LYAR: variants seen among roughly 807,000 people sequenced by gnomAD.
LYAR encodes cell growth-regulating nucleolar protein.
A neutral mutation model predicts 45.2 loss-of-function variants in LYAR; 37 were observed. The ratio of observed to expected loss-of-function variants is 0.82; its 90% CI spans 0.63 to 1.08. The LOEUF (loss-of-function observed/expected upper bound fraction) is 1.08. Among genes scored for constraint, LYAR ranks in the 50% least tolerant of loss-of-function variants. LYAR has a pLI of 0.00. For missense variants in LYAR, 493 were observed against 451.0 expected, an observed-to-expected ratio of 1.09 and a Z score of -0.84; for synonymous variants, 176 against 155.1, an observed-to-expected ratio of 1.14 and a Z score of -1.00.
chr4:4,274,877 G>T, intron 6 of LYAR, 108 bp from the exon 7 acceptor site: 2 of 1,096,606 alleles, frequency 1.8e-6, no homozygotes, highest in Non-Finnish European at 2.6e-6. Context: ...AAAAACGGTT[G>T]GTTTAATCCC....
At chr4:4,279,605 C>CGTGTGGCCCATCAGTG in intron 5 of LYAR, 37 bp downstream of exon 5, 1 of 1,578,838 alleles carries the variant, frequency 6.3e-7, no homozygotes, top group Non-Finnish European at 8.7e-7. Flanking sequence ...ACTGATGGGC[C>CGTGTGGCCCATCAGTG]ACACGGCCCC....
chr4:4,275,490 G>A (rs1247962630), intron 6 of LYAR, among the ~76,000 whole-genome samples: 1 of 151,058 alleles, frequency 6.6e-6, no homozygotes, highest in Non-Finnish European at 1.5e-5. Context: ...TGTTGCACAG[G>A]CTGAAATGTA....
chr4:4,285,322 C>T (rs1719561822), intron 2 of LYAR, among the ~76,000 whole-genome samples: 1 of 152,330 alleles, frequency 6.6e-6, no homozygotes, highest in East Asian at 1.9e-4. Context: ...CTGTCATCTT[C>T]TCATCTGCTT....
intron 8 of LYAR, chr4:4,268,831 T>G (rs575152858): frequency 2.2e-6 from 1 of 453,856 alleles, no homozygotes; most frequent in Non-Finnish European, 3.9e-6. Context: ...CAGGTGCCCA[T>G]GTGCTATTGG....
At chr4:4,268,044 A>G (rs1448573693) in intron 9 of LYAR, 21 bp from the exon 10 acceptor site, 2 of 1,555,376 alleles carry the variant, frequency 1.3e-6, no homozygotes, top group Non-Finnish European at 8.7e-7. Context: ...AAAAACATCA[A>G]ATGAGTGTAT....
chr4:4,269,603 G>A (rs1450107426), intron 8 of LYAR, among the ~76,000 whole-genome samples: 1 of 152,152 alleles, frequency 6.6e-6, no homozygotes, highest in Non-Finnish European at 1.5e-5. Flanking sequence ...GATGGAGGCT[G>A]AGTAGAGAGC....
chr4:4,272,506 ATAAC>A (rs1224537466), intron 8 of LYAR, among the ~76,000 whole-genome samples: 4 of 152,196 alleles, frequency 2.6e-5, no homozygotes, highest in African/African-American at 4.8e-5. Flanking sequence ...AAGATTATCA[ATAAC>A]TAATAATAAA....
chr4:4,280,092 T>C (rs1264926073), intron 4 of LYAR, among the ~76,000 whole-genome samples: 1 of 152,198 alleles, frequency 6.6e-6, no homozygotes, highest in Non-Finnish European at 1.5e-5. Flanking sequence ...AGTTGCAGGA[T>C]ACAAAATCCA....
At chr4:4,286,935 G>C (rs1322163361) in intron 1 of LYAR, among the ~76,000 whole-genome samples, 2 of 152,170 alleles carry the variant, frequency 1.3e-5, no homozygotes, top group Non-Finnish European at 2.9e-5. Context: ...ACAGGCGTGA[G>C]CCACCGCGCC....
chr4:4,281,828 T>G lies in LYAR; in HGVS notation c.192A>C (p.Glu64Asp), dbSNP rs1202253382. 1 of 1,614,214 alleles carries G rather than the reference T, an allele frequency of 6.2e-7. No individual in the cohort carries two copies. Among genetic ancestry groups the G allele is most frequent in the African/African-American group, 1.3e-5 (1 of 75,060 alleles). ...EDQKYGGKGY[E>D]GKTHKGDIKQ... ...TGATGTCGCCTTTGTGGGTTTTACCTTCATAGCCTTTGCCACCATACTTCT... is the reference window on the plus strand; with the variant it reads ...TGATGTCGCCTTTGTGGGTTTTACCGTCATAGCCTTTGCCACCATACTTCT... Residue 64 changes from glutamate (E) to aspartate (D), a missense_variant, in exon 4 of 10, where the codon GAA becomes GAC. By Grantham distance (45) the Glu-to-Asp change is conservative. Coordinates refer to ENST00000343470, the MANE Select transcript of LYAR (RefSeq NM_017816.3).
chr4:4,274,563 C>T lies in LYAR; in HGVS notation c.636G>A (p.Gln212=), dbSNP rs1190160709. The T allele has an allele frequency of 9.9e-6, 16 of 1,613,658 alleles. No homozygotes were observed. The highest frequency in any genetic ancestry group is 3.3e-5 in the South Asian group (3 of 90,988). ...TAGGCTTCTGATTCCTTGAGTTTTCCTGGTGGTTTTCTAACTTTAGTTCTT... is the reference window on the plus strand; with the variant it reads ...TAGGCTTCTGATTCCTTGAGTTTTCTTGGTGGTTTTCTAACTTTAGTTCTT... ...EKKELKLENH[Q]ENSRNQKPKK... is the part of the protein sequence containing the mutation. Residue 212 remains glutamine (Q), a synonymous_variant, in exon 7 of 10, where the codon CAG becomes CAA. Transcript: ENST00000343470.
chr4:4,279,095 C>G (rs1367139001), intron 6 of LYAR, among the ~76,000 whole-genome samples: 2 of 151,966 alleles, frequency 1.3e-5, no homozygotes. Flanking sequence ...GAGGCCAACG[C>G]AGGCAGGTCA....
chr4:4,281,773 G>C lies in LYAR; in HGVS notation c.237+10C>G, dbSNP rs201896972. On this transcript the variant is annotated intron_variant, in intron 4 of 9. Transcript: ENST00000343470. ...AGAGGAAGCTACTCAATGAGTTAGA[G>C]AGACGTTACCTGAATCCACGCCTGC... The C allele has an allele frequency of 2.5e-6, 4 of 1,603,458 alleles. No homozygotes were observed. Among genetic ancestry groups the C allele is most frequent in the Non-Finnish European group, 3.4e-6 (4 of 1,170,208 alleles).
At position 4,279,710 on chromosome 4, in the gene LYAR, T is replaced by C. The variant is rs369633251; in HGVS notation, c.277A>G (p.Lys93Glu). 1.2e-6 allele frequency: 2 copies of C among 1,613,728 alleles called. No homozygotes were observed. Among genetic ancestry groups the C allele is most frequent in the African/African-American group, 1.3e-5 (1 of 74,940 alleles). Reference sequence around the variant, plus strand: ...ATTTGCTCTAAAAGTTCTCTCACTTTGGGGCTGACATTGGGTCTCTTTATT... The same window carrying C: ...ATTTGCTCTAAAAGTTCTCTCACTTCGGGGCTGACATTGGGTCTCTTTATT... The part of the protein sequence containing the change: ...ELIKRPNVSP[K>E]VRELLEQISA... The change falls in exon 5 of 10, where the codon AAA (lysine) becomes GAA (glutamate). Residue 93 changes from lysine to glutamate, a missense_variant. By Grantham distance (56) the Lys-to-Glu change is moderately conservative. Coordinates refer to ENST00000343470, the MANE Select transcript of LYAR (RefSeq NM_017816.3).
chr4:4,279,308 G>A (rs1288007869), intron 6 of LYAR, 139 bp downstream of exon 6: 12 of 622,360 alleles, frequency 1.9e-5, no homozygotes, highest in Non-Finnish European at 3.1e-5. Flanking sequence ...CTGCAGCCTG[G>A]GCAACAGAGT....
rs551102684 is a variant in LYAR, at chr4:4,272,553, G to T, written c.919+1030C>A. Reference sequence around the variant, plus strand: ...AATTTTACAATACACTATAATAAAAGTTATGTGAATGTGGTCTCTCTGTGT... The same window carrying T: ...AATTTTACAATACACTATAATAAAATTTATGTGAATGTGGTCTCTCTGTGT... On this transcript the variant is annotated intron_variant, in intron 8 of 9. Coordinates refer to ENST00000343470, the MANE Select transcript of LYAR (RefSeq NM_017816.3). Among the ~76,000 whole-genome samples, 4 of 152,180 alleles carry T rather than the reference G, an allele frequency of 2.6e-5. No homozygotes were observed. The South Asian group carries it at 8.3e-4, about 32-fold the overall frequency.
Position 4,273,610 on chromosome 4 carries a change from G to A in LYAR, c.892C>T (p.Pro298Ser), listed in dbSNP as rs919553839. ...TTTGCAGGAGCCTCATCGTCTTCTG[G>A]TTCTCCGCCCTCAGGATGCTCTGGG... ...KLPEHPEGGEPEDDEAPAKGK... is the reference protein window; with the variant it reads ...KLPEHPEGGESEDDEAPAKGK... Residue 298 changes from proline (P) to serine (S), a missense_variant, in exon 8 of 10, where the codon CCA (proline) becomes TCA (serine). Transcript: ENST00000343470. 1 of 1,613,496 alleles carries A rather than the reference G, an allele frequency of 6.2e-7. No individual in the cohort carries two copies. Among genetic ancestry groups the A allele is most frequent in the African/African-American group, 1.3e-5 (1 of 74,878 alleles).
At chr4:4,268,156 T>C in intron 9 of LYAR, 133 bp from the exon 10 acceptor site, 1 of 811,916 alleles carries the variant, frequency 1.2e-6, no homozygotes, top group Non-Finnish European at 1.7e-6. Context: ...CGGCGTGCTC[T>C]CCTTGGAAAA....
chr4:4,283,502 G>A, intron 3 of LYAR, 119 bp downstream of exon 3: 2 of 1,094,298 alleles, frequency 1.8e-6, no homozygotes, highest in Non-Finnish European at 2.6e-6. Context: ...GAACATACCA[G>A]TTTTTAGTCT....
Sources: allele counts gnomAD v4.1 joint callset (sites outside exome capture counted in the v4.1 genomes callset), GRCh38; gene constraint gnomAD v4.1.1; transcripts MANE v1.5; gene names NCBI Gene and HGNC (gene_info 2026-07-23, HGNC 2026-07-21).